HCN2: variants seen among roughly 807,000 people sequenced by gnomAD.
HCN2 encodes hyperpolarization activated cyclic nucleotide gated potassium and sodium channel 2.
In HCN2, 20 loss-of-function variants were observed where a neutral mutation model predicts 52.3. The ratio of observed to expected loss-of-function variants is 0.38; its 90% CI spans 0.27 to 0.56. The LOEUF is 0.56. HCN2 is among the 20% of genes least tolerant of loss of function. The pLI, the probability that HCN2 is intolerant of heterozygous loss-of-function variation, is 0.71. For missense variants in HCN2, 981 were observed against 1,207.7 expected, an observed-to-expected ratio of 0.81 and a Z score of 2.78; for synonymous variants, 694 against 537.0, an observed-to-expected ratio of 1.29 and a Z score of -4.04.
intron 1 of HCN2, among the ~76,000 whole-genome samples, chr19:594,069 G>T (rs945228042): frequency 2.7e-5 from 4 of 150,866 alleles, no homozygotes; most frequent in Non-Finnish European, 5.9e-5. Context: ...AGGGGCAGGG[G>T]CTGGAGGTCT....
At chr19:614,199 T>C (rs1983800384) in intron 7 of HCN2, among the ~76,000 whole-genome samples, 183 bp downstream of exon 7, 1 of 152,052 alleles carries the variant, frequency 6.6e-6, no homozygotes, top group African/African-American at 2.4e-5. Flanking sequence ...GGGGCGTGGC[T>C]GGGGCAGGGG....
chr19:604,921 TG>T, intron 2 of HCN2, 139 bp from the exon 3 acceptor site: 2 of 753,112 alleles, frequency 2.7e-6, no homozygotes, highest in Middle Eastern at 4.1e-4. Flanking sequence ...GGCTGCAGGG[TG>T]GGGCGGGGGT....
Position 592,415 on chromosome 19 carries a change from G to C in HCN2, c.632+1838G>C, listed in dbSNP as rs1982901436. ...ATCCCGGGGCTTGGGGGGAAGGCCG[G>C]TGGTAGGAGTGAAGCCCTCTCATCC... On this transcript the variant is annotated intron_variant, in intron 1 of 7. Coordinates refer to ENST00000251287, the MANE Select transcript of HCN2 (RefSeq NM_001194.4). This position sits in a 1 kb window ranked among gnomAD's most constrained non-coding sequence, Gnocchi z 4.8. 6.6e-6 allele frequency among the ~76,000 whole-genome samples: 1 copy of C among 152,202 alleles called. No homozygotes were observed. The highest frequency in any genetic ancestry group is 2.4e-5 in the African/African-American group (1 of 41,460).
chr19:609,568 C>T (rs1178590343), intron 4 of HCN2, among the ~76,000 whole-genome samples: 1 of 152,226 alleles, frequency 6.6e-6, no homozygotes, highest in Non-Finnish European at 1.5e-5. Flanking sequence ...GAGTTTAAGA[C>T]CAGCCTGAGC....
chr19:603,535 C>T lies in HCN2; in HGVS notation c.633-9C>T, dbSNP rs761916791. ...CACCGGCCTGAGGTGTGGGCACCCT[C>T]GCCCCCAGGTTCTACTGGGACTTCA... On this transcript the variant is annotated splice_polypyrimidine_tract_variant and intron_variant, in intron 1 of 7. Coordinates refer to ENST00000251287, the MANE Select transcript of HCN2 (RefSeq NM_001194.4). 60 of 1,596,282 alleles carry T rather than the reference C, an allele frequency of 3.8e-5. No homozygotes were observed. Among genetic ancestry groups the T allele is most frequent in the South Asian group, 2.3e-4 (21 of 89,416 alleles).
chr19:599,247 G>C (rs1430609529), intron 1 of HCN2, among the ~76,000 whole-genome samples: 2 of 152,244 alleles, frequency 1.3e-5, no homozygotes, highest in East Asian at 3.9e-4. Context: ...GAGCGTCTGG[G>C]TCACCCCGCA....
rs1982845668 is a variant in HCN2 at position 590,747 on chromosome 19, G to A, written c.632+170G>A. The A allele has an allele frequency of 2.6e-6, 1 of 391,040 alleles. No homozygotes were observed. 24.2% of individuals were successfully genotyped at this position (391,040 alleles called of 1,614,324 possible). ...GGACCCGCCCCGGAGTGACCCCGGC[G>A]CGCGAGGCTCCGCCTCTGGGGGGGC... On this transcript the variant is annotated intron_variant, in intron 1 of 7. Transcript: ENST00000251287. The surrounding 1 kb of genome is among the most constrained non-coding windows in gnomAD (Gnocchi z 7.2).
Position 607,984 on chromosome 19 carries a change from G to C in HCN2, c.1239G>C (p.Leu413=), listed in dbSNP as rs3752158. Reference sequence around the variant, plus strand: ...TGCAGAACCACTCGTGGAGTGAACTGTACTCCTTCGCACTCTTCAAGGCCA... The same window carrying C: ...TGCAGAACCACTCGTGGAGTGAACTCTACTCCTTCGCACTCTTCAAGGCCA... ...NGMVNHSWSE[L]YSFALFKAMS... is the part of the protein sequence containing the mutation. The change falls in exon 4 of 8, where the codon CTG becomes CTC. Residue 413 remains leucine, a synonymous_variant. Coordinates refer to ENST00000251287, the MANE Select transcript of HCN2 (RefSeq NM_001194.4). The C allele has an allele frequency of 0.078, 126,188 of 1,612,052 alleles. 6,280 individuals are homozygous for C. The highest frequency in any genetic ancestry group is 0.21 in the African/African-American group (15,974 of 74,988).
chr19:590,068 C>G lies in HCN2; in HGVS notation c.123C>G (p.Pro41=). The G allele has an allele frequency of 1.4e-5, 9 of 622,730 alleles. No individual in the cohort carries two copies. Among genetic ancestry groups the G allele is most frequent in the Non-Finnish European group, 1.6e-5 (8 of 507,370 alleles). The allele number at this position is 622,730 out of a possible 1,614,324, so 38.6% of individuals were successfully genotyped here. A position where few individuals can be genotyped will look rare whatever the true frequency, so the allele number is the denominator to read the frequency against. ...AGCAGCCGCCGCCGCCGCCGCCGCC[C>G]GCGCCCCCCCCGGGCCCCGGGCCCG... ...PQQQPPPPPP[P]APPPGPGPAP... The change falls in exon 1 of 8, where the codon CCC becomes CCG. Residue 41 remains proline, a synonymous_variant. Transcript: ENST00000251287. The surrounding 1 kb of genome is among the most constrained non-coding windows in gnomAD (Gnocchi z 7.2).
Position 617,120 on chromosome 19 carries a change from C to A in HCN2, c.*646C>A. 4.4e-6 allele frequency: 3 copies of A among 675,214 alleles called. No individual in the cohort carries two copies. Among genetic ancestry groups the A allele is most frequent in the Non-Finnish European group, 7.4e-6 (3 of 403,096 alleles). The allele number at this position is 675,214 out of a possible 1,614,324, so 41.8% of individuals were successfully genotyped here. A position where few individuals can be genotyped will look rare whatever the true frequency, so the allele number is the denominator to read the frequency against. The stretch of plus-strand genomic sequence containing the variant: ...GCCCCCCACGCCCCATTAACCCCCA[C>A]ACCCCCATTCCGCGCAATAAACGAC... On this transcript the variant is annotated 3_prime_UTR_variant, in exon 8 of 8. Transcript: ENST00000251287.
intron 7 of HCN2, 56 bp downstream of exon 7, chr19:614,072 CCAA>C: frequency 7.5e-7 from 1 of 1,336,290 alleles, no homozygotes; most frequent in Non-Finnish European, 1.0e-6. Flanking sequence ...AGGGGCGTGG[CCAA>C]GGCATCAGGA....
chr19:592,481 G>A lies in HCN2; in HGVS notation c.632+1904G>A, dbSNP rs1364475087. ...GCGTGGTCGCCTGGAGGCCTGGGCA[G>A]GCTGTGGCCCCGCTCTGTGCTCTGA... On this transcript the variant is annotated intron_variant, in intron 1 of 7. Coordinates refer to ENST00000251287, the MANE Select transcript of HCN2 (RefSeq NM_001194.4). The surrounding 1 kb of genome is among the most constrained non-coding windows in gnomAD (Gnocchi z 4.8). 1.3e-5 allele frequency among the ~76,000 whole-genome samples: 2 copies of A among 152,178 alleles called. No homozygotes were observed. Among genetic ancestry groups the A allele is most frequent in the Non-Finnish European group, 2.9e-5 (2 of 68,028 alleles).
chr19:615,202 A>G (rs952681080), intron 7 of HCN2, among the ~76,000 whole-genome samples: 1 of 152,122 alleles, frequency 6.6e-6, no homozygotes, highest in Non-Finnish European at 1.5e-5. Context: ...CTCCATGTAC[A>G]CAGCAGGCAT....
Position 592,845 on chromosome 19 carries a change from G to C in HCN2, c.632+2268G>C, listed in dbSNP as rs894899573. Among the ~76,000 whole-genome samples the C allele has an allele frequency of 6.6e-6, 1 of 152,170 alleles. No homozygotes were observed. Among genetic ancestry groups the C allele is most frequent in the Non-Finnish European group, 1.5e-5 (1 of 68,026 alleles). ...CCACAGCAAGCGAAGGGGCCTCTAC[G>C]TTTGCAGCTGACTCAGGAGCCTGGC... On this transcript the variant is annotated intron_variant, in intron 1 of 7. Coordinates refer to ENST00000251287, the MANE Select transcript of HCN2 (RefSeq NM_001194.4). This position sits in a 1 kb window ranked among gnomAD's most constrained non-coding sequence, Gnocchi z 4.8.
At chr19:597,294 C>T (rs1266860462) in intron 1 of HCN2, among the ~76,000 whole-genome samples, 1 of 152,212 alleles carries the variant, frequency 6.6e-6, no homozygotes, top group African/African-American at 2.4e-5. Flanking sequence ...GATAAGAGGA[C>T]AGTCCTGGGG....
At chr19:611,820 T>C (rs1453551558) in intron 5 of HCN2, among the ~76,000 whole-genome samples, 1 of 152,146 alleles carries the variant, frequency 6.6e-6, no homozygotes, top group East Asian at 1.9e-4. Context: ...AGTCATTATT[T>C]AGGTGTTTAG....
chr19:594,623 G>A (rs1982969077), intron 1 of HCN2, among the ~76,000 whole-genome samples: 1 of 152,214 alleles, frequency 6.6e-6, no homozygotes, highest in East Asian at 1.9e-4. Context: ...ATCAGCCTGG[G>A]GGTGCAGCTC....
Position 616,671 on chromosome 19 carries a change from C to T in HCN2, c.*197C>T, listed in dbSNP as rs56357145. ...CCCCCGGCCGTCCCCCCTCATCGCC[C>T]CGCGCCCACCCCCATCGCCCCTGCC... On this transcript the variant is annotated 3_prime_UTR_variant, in exon 8 of 8. Coordinates refer to ENST00000251287, the MANE Select transcript of HCN2 (RefSeq NM_001194.4). 0.057 allele frequency: 13,959 copies of T among 244,734 alleles called. 547 individuals carry two copies. Among genetic ancestry groups the T allele is most frequent in the Non-Finnish European group, 0.073 (9,478 of 129,932 alleles). 15.2% of individuals were successfully genotyped at this position (244,734 alleles called of 1,614,324 possible). A position where few individuals can be genotyped will look rare whatever the true frequency, so the allele number is the denominator to read the frequency against.
At position 616,228 on chromosome 19, in the gene HCN2, G is replaced by A; in HGVS notation, c.2424G>A (p.Leu808=). 2 of 993,002 alleles carry A rather than the reference G, an allele frequency of 2.0e-6. No individual in the cohort carries two copies. Among genetic ancestry groups the A allele is most frequent in the Non-Finnish European group, 2.4e-6 (2 of 837,788 alleles). 61.5% of individuals were successfully genotyped at this position (993,002 alleles called of 1,614,324 possible). A position where few individuals can be genotyped will look rare whatever the true frequency, so the allele number is the denominator to read the frequency against. Residue 808 remains leucine, a synonymous_variant, in exon 8 of 8, where the codon CTG becomes CTA. Transcript: ENST00000251287. ...CCGCCCCCCTTGCTGGGCCCGCCCT[G>A]CCCGCGCGCCGCCTGAGCCGCGCGT... The part of the protein sequence containing the change: ...LPAAPLAGPA[L]PARRLSRASR...
Sources: allele counts gnomAD v4.1 joint callset (sites outside exome capture counted in the v4.1 genomes callset), GRCh38; gene constraint gnomAD v4.1.1; non-coding constraint Gnocchi (gnomAD v3.1); transcripts MANE v1.5; gene names NCBI Gene and HGNC (gene_info 2026-07-23, HGNC 2026-07-21).